Variants in ASAP1 observed in about 807,000 individuals in gnomAD.
ASAP1 encodes arf-GAP with SH3 domain, ANK repeat and PH domain-containing protein 1.
Under a neutral mutation model 145.2 loss-of-function variants are expected in ASAP1, and 43 were observed. The observed-to-expected ratio is 0.30, with a 90% CI of 0.23 to 0.38. The LOEUF is 0.38. Among genes scored for constraint, ASAP1 ranks in the 10% least tolerant of loss-of-function variants. The probability of loss-of-function intolerance (pLI) is 1.00; values close to 1 mark genes in which losing one functional copy is unlikely to be tolerated. For missense variants in ASAP1, 1,018 were observed against 1,355.3 expected (o/e 0.75, Z 3.91); for synonymous variants, 546 against 515.5 (o/e 1.06, Z -0.80).
At chr8:130,357,721 C>CCAG (rs1565242692) in intron 3 of ASAP1, among the ~76,000 whole-genome samples, 2 of 152,218 alleles carry the variant, frequency 1.3e-5, no homozygotes, top group African/African-American at 4.8e-5. Context: ...GTGGAAGCGC[C>CCAG]GAACAGTGCA....
intron 2 of ASAP1, among the ~76,000 whole-genome samples, chr8:130,401,102 G>A (rs904195426): frequency 5.9e-5 from 9 of 151,766 alleles, no homozygotes; most frequent in Admixed American, 1.3e-4. Context: ...GGCTGGTCTC[G>A]AACTCCTAAC....
At chr8:130,222,265 T>G (rs1488382207) in intron 4 of ASAP1, among the ~76,000 whole-genome samples, 1 of 152,234 alleles carries the variant, frequency 6.6e-6, no homozygotes, top group South Asian at 2.1e-4. Context: ...TGACACTATG[T>G]GTTATACCTT....
At chr8:130,254,125 G>T (rs997883736) in intron 3 of ASAP1, among the ~76,000 whole-genome samples, 2 of 152,188 alleles carry the variant, frequency 1.3e-5, no homozygotes, top group African/African-American at 4.8e-5. Context: ...TACAGGAAAG[G>T]TGGAGTAAAA....
chr8:130,242,282 A>C (rs975977317), intron 3 of ASAP1, among the ~76,000 whole-genome samples: 4 of 142,218 alleles, frequency 2.8e-5, no homozygotes, highest in Non-Finnish European at 4.7e-5. Flanking sequence ...AAAAAAAAAA[A>C]ACAACTTTTT....
intron 8 of ASAP1, among the ~76,000 whole-genome samples, chr8:130,179,840 G>A (rs1242659310): frequency 6.6e-6 from 1 of 151,756 alleles, no homozygotes; most frequent in Non-Finnish European, 1.5e-5. Flanking sequence ...ACTAAACACA[G>A]TAGTGTACTT....
chr8:130,056,670 T>A (rs149313065), intron 29 of ASAP1, among the ~76,000 whole-genome samples: 2 of 152,352 alleles, frequency 1.3e-5, no homozygotes, highest in African/African-American at 4.8e-5. Context: ...TGCCCATGCC[T>A]ATGTGTGTGT....
intron 24 of ASAP1, among the ~76,000 whole-genome samples, chr8:130,104,057 C>T (rs1029461205): frequency 6.6e-6 from 1 of 152,168 alleles, no homozygotes; most frequent in Non-Finnish European, 1.5e-5. Context: ...CTCTTCCTTT[C>T]CAGACTGTGT....
At chr8:130,160,946 C>A (rs2097667878) in intron 11 of ASAP1, among the ~76,000 whole-genome samples, 1 of 152,112 alleles carries the variant, frequency 6.6e-6, no homozygotes, top group Admixed American at 6.6e-5. Flanking sequence ...AACACATACA[C>A]CTCTAGATTC....
At chr8:130,157,163 A>T (rs911798260) in intron 12 of ASAP1, among the ~76,000 whole-genome samples, 4 of 152,176 alleles carry the variant, frequency 2.6e-5, no homozygotes, top group Admixed American at 6.5e-5. Context: ...AAGCTATGGA[A>T]TTTACAATTT....
intron 3 of ASAP1, among the ~76,000 whole-genome samples, chr8:130,254,593 T>G (rs1284247053): frequency 1.3e-5 from 2 of 152,122 alleles, no homozygotes; most frequent in East Asian, 3.9e-4. Context: ...GCACCAGACA[T>G]TAAACAAAAT....
intron 3 of ASAP1, among the ~76,000 whole-genome samples, chr8:130,283,587 G>GACAAAAAAAAAAAAAAAAAA (rs1821396757): frequency 9.6e-5 from 2 of 20,852 alleles, no homozygotes; most frequent in African/African-American, 3.4e-4. Flanking sequence ...ATCACAGAAA[G>GACAAAAAAAAAAAAAAAAAA]AAAAAAAAAA....
intron 24 of ASAP1, among the ~76,000 whole-genome samples, chr8:130,107,180 C>CTTT (rs375105720): frequency 0.19 from 21,733 of 112,468 alleles, 3,002 homozygotes; most frequent in South Asian, 0.25. Flanking sequence ...CTCTCTTCTT[C>CTTT]TTCTTTTTTT....
At chr8:130,263,998 T>C (rs536949314) in intron 3 of ASAP1, among the ~76,000 whole-genome samples, 4 of 152,370 alleles carry the variant, frequency 2.6e-5, no homozygotes, top group Non-Finnish European at 5.9e-5. Context: ...ACTTAGGTTC[T>C]AGCCCCTGTT....
Position 130,303,750 on chromosome 8 carries a change from G to A in ASAP1, c.186+54267C>T, listed in dbSNP as rs150018200. 5.8e-3 allele frequency among the ~76,000 whole-genome samples: 886 copies of A among 152,196 alleles called. 13 individuals carry two copies. The highest frequency in any genetic ancestry group is 9.0e-3 in the Non-Finnish European group (609 of 68,000). ...CTATGTAGACAGCAAAAAGATCAGT[G>A]GTTGCCAGGGGTTTAGGATGAGGGA... On this transcript the variant is annotated intron_variant, in intron 3 of 29. Coordinates refer to ENST00000518721, the MANE Select transcript of ASAP1 (RefSeq NM_018482.4).
At position 130,331,203 on chromosome 8, in the gene ASAP1, C is replaced by T. The variant is rs7016413; in HGVS notation, c.186+26814G>A. On this transcript the variant is annotated intron_variant, in intron 3 of 29. Coordinates refer to ENST00000518721, the MANE Select transcript of ASAP1 (RefSeq NM_018482.4). Reference sequence around the variant, plus strand: ...TTAAGGAAAGGGGGCATGGCTATTTCGAGTGGAAAGAGCGAGTAGGGCCCT... The same window carrying T: ...TTAAGGAAAGGGGGCATGGCTATTTTGAGTGGAAAGAGCGAGTAGGGCCCT... 7.8e-3 allele frequency among the ~76,000 whole-genome samples: 1,185 copies of T among 152,264 alleles called. 17 individuals are homozygous for T. Among genetic ancestry groups the T allele is most frequent in the African/African-American group, 0.027 (1,138 of 41,538 alleles).
chr8:130,158,277 A>AGGT (rs1437397699), intron 12 of ASAP1, among the ~76,000 whole-genome samples: 1 of 151,908 alleles, frequency 6.6e-6, no homozygotes, highest in Non-Finnish European at 1.5e-5. Context: ...TGGGGGACCA[A>AGGT]GGTGGGAGAA....
chr8:130,181,392 T>C (rs1021016106), intron 7 of ASAP1, among the ~76,000 whole-genome samples: 5 of 152,148 alleles, frequency 3.3e-5, no homozygotes, highest in Non-Finnish European at 4.4e-5. Flanking sequence ...AAGCACTTTA[T>C]AATAAAAAAA....
At chr8:130,092,333 A>T (rs1385134295) in intron 24 of ASAP1, among the ~76,000 whole-genome samples, 190 bp from the exon 25 acceptor site, 2 of 152,078 alleles carry the variant, frequency 1.3e-5, no homozygotes, top group African/African-American at 2.4e-5. Flanking sequence ...GGTTAAAAAA[A>T]AAATAAAATT....
chr8:130,279,310 C>CCA (rs1047385404), intron 3 of ASAP1, among the ~76,000 whole-genome samples: 14 of 152,144 alleles, frequency 9.2e-5, no homozygotes, highest in Non-Finnish European at 1.6e-4. Flanking sequence ...CTGAAGTCAC[C>CCA]CACACCTTCT....
Sources: allele counts gnomAD v4.1 joint callset (sites outside exome capture counted in the v4.1 genomes callset), GRCh38; gene constraint gnomAD v4.1.1; transcripts MANE v1.5; gene names NCBI Gene and HGNC (gene_info 2026-07-23, HGNC 2026-07-21).